Variants in CTTNBP2 observed in about 807,000 individuals in gnomAD.
CTTNBP2 encodes the protein cortactin binding protein 2.
CTTNBP2 carries 108 observed loss-of-function variants against 156.9 expected under a neutral mutation model. That is an observed-to-expected ratio of 0.69 (90% CI 0.59 to 0.81). The LOEUF (loss-of-function observed/expected upper bound fraction) is 0.81. Ranked by LOEUF, CTTNBP2 falls within the 30% of genes least tolerant of loss-of-function variation. CTTNBP2 has a pLI of 0.00. For synonymous variants in CTTNBP2, 767 were observed against 751.8 expected (o/e 1.02, Z -0.33); for missense variants, 1,924 against 2,035.4 (o/e 0.95, Z 1.05).
At chr7:117,761,244 A>T (rs1374681267) in intron 9 of CTTNBP2, among the ~76,000 whole-genome samples, 1 of 152,212 alleles carries the variant, frequency 6.6e-6, no homozygotes, top group Non-Finnish European at 1.5e-5. Context: ...GAGGGAATGT[A>T]TATCGAGTTG....
intron 22 of CTTNBP2, among the ~76,000 whole-genome samples, chr7:117,715,066 A>G (rs560195862): frequency 6.6e-6 from 1 of 152,358 alleles, no homozygotes; most frequent in South Asian, 2.1e-4. Context: ...AATCAGAGCA[A>G]TTCATTCAAT....
At chr7:117,837,113 T>C (rs1802004656) in intron 2 of CTTNBP2, among the ~76,000 whole-genome samples, 1 of 152,190 alleles carries the variant, frequency 6.6e-6, no homozygotes, top group Admixed American at 6.5e-5. Flanking sequence ...GAGTTCTGAT[T>C]GACATCATTT....
intron 2 of CTTNBP2, among the ~76,000 whole-genome samples, chr7:117,814,544 C>T (rs1457147212): frequency 6.6e-6 from 1 of 152,144 alleles, no homozygotes; most frequent in African/African-American, 2.4e-5. Context: ...TCCCACACCT[C>T]AGCTTCCCGA....
At chr7:117,806,752 T>G (rs1480855889) in intron 3 of CTTNBP2, among the ~76,000 whole-genome samples, 1 of 147,206 alleles carries the variant, frequency 6.8e-6, no homozygotes, top group South Asian at 2.2e-4. Flanking sequence ...TCATTTTTTT[T>G]TTTTTTTTTT....
Position 117,767,159 on chromosome 7 carries a change from C to T in CTTNBP2, c.2796G>A (p.Leu932=). Residue 932 remains leucine (L), a synonymous_variant, in exon 9 of 23, where the codon TTG becomes TTA. Coordinates refer to ENST00000160373, the MANE Select transcript of CTTNBP2 (RefSeq NM_033427.3). ...SKGFKNCLEI[L]CRHGGLEPER... is the part of the protein sequence containing the mutation. ...CTGGCTCAAGCCCTCCGTGCCTACA[C>T]AAGATTTCTAGGCAGTTCTATAAAG... 6.2e-7 allele frequency: 1 copy of T among 1,603,358 alleles called. No individual in the cohort carries two copies. Among genetic ancestry groups the T allele is most frequent in the Non-Finnish European group, 8.5e-7 (1 of 1,170,144 alleles).
At chr7:117,846,142 C>T (rs1563063128) in intron 2 of CTTNBP2, among the ~76,000 whole-genome samples, 1 of 152,090 alleles carries the variant, frequency 6.6e-6, no homozygotes, top group Non-Finnish European at 1.5e-5. Flanking sequence ...TGAGCCACCG[C>T]GCCCGGTCCT....
intron 19 of CTTNBP2, 46 bp from the exon 20 acceptor site, chr7:117,721,176 C>T (rs780922109): frequency 1.8e-6 from 2 of 1,090,382 alleles, no homozygotes; most frequent in Admixed American, 3.6e-5. Context: ...ATCCCTGTGC[C>T]TCTTGAATTC....
chr7:117,714,080 A>G (rs1459117030), intron 22 of CTTNBP2: 1 of 152,248 alleles, frequency 6.6e-6, no homozygotes, highest in Non-Finnish European at 1.5e-5. Flanking sequence ...GTGAGGGAAC[A>G]CATCCTAGTC....
At chr7:117,771,112 AAC>A (rs757686734) in intron 8 of CTTNBP2, among the ~76,000 whole-genome samples, 10 of 152,112 alleles carry the variant, frequency 6.6e-5, no homozygotes, top group Admixed American at 1.3e-4. Context: ...GTCCAGCTGA[AAC>A]AGAGGGATCC....
Position 117,734,904 on chromosome 7 carries a change from G to T in CTTNBP2, c.3876+9C>A. On this transcript the variant is annotated intron_variant, in intron 16 of 22. Coordinates refer to ENST00000160373, the MANE Select transcript of CTTNBP2 (RefSeq NM_033427.3). Reference sequence around the variant, plus strand: ...CTCCTGGCAACAGGCTGCACTTGCTGTTTGTTACCTTATTCACAACTTTCC... The same window carrying T: ...CTCCTGGCAACAGGCTGCACTTGCTTTTTGTTACCTTATTCACAACTTTCC... 6.3e-7 allele frequency: 1 copy of T among 1,578,928 alleles called. No individual in the cohort carries two copies. Among genetic ancestry groups the T allele is most frequent in the Admixed American group, 1.8e-5 (1 of 56,456 alleles).
At chr7:117,835,093 C>T (rs1273633033) in intron 2 of CTTNBP2, among the ~76,000 whole-genome samples, 5 of 152,244 alleles carry the variant, frequency 3.3e-5, no homozygotes, top group Admixed American at 2.0e-4. Flanking sequence ...GAATTCTAAA[C>T]CTGAGCAGCT....
intron 2 of CTTNBP2, among the ~76,000 whole-genome samples, chr7:117,823,780 T>C (rs1325238469): frequency 1.3e-5 from 2 of 152,176 alleles, no homozygotes; most frequent in African/African-American, 4.8e-5. Context: ...AGCCTTGACC[T>C]CCTGGGTTCA....
chr7:117,779,530 C>T (rs1230548110), intron 7 of CTTNBP2, among the ~76,000 whole-genome samples: 4 of 150,504 alleles, frequency 2.7e-5, no homozygotes, highest in Admixed American at 6.6e-5. Context: ...CCCTGTGATA[C>T]AAAATTAATT....
rs1241769172 is a variant in CTTNBP2, at chr7:117,741,434, T to TA, written c.3535+4396dup. Among the ~76,000 whole-genome samples the TA allele has an allele frequency of 2.6e-5, 4 of 152,334 alleles. No individual in the cohort carries two copies. The East Asian group carries it at 7.7e-4, about 29-fold the overall frequency. ...ACAAGTTACTAAGCTACATACAGAA[T>TA]AAAAATCCTTCTGTATGAATTTTCT... On this transcript the variant is annotated intron_variant, in intron 14 of 22. Transcript: ENST00000160373.
chr7:117,746,796 A>G (rs992863995), intron 12 of CTTNBP2, among the ~76,000 whole-genome samples: 6 of 152,228 alleles, frequency 3.9e-5, no homozygotes, highest in Admixed American at 6.5e-5. Context: ...AAAGAAATCT[A>G]GGTAGAGATG....
In CTTNBP2 at chr7:117,780,659, A is replaced by T. The variant is rs551300815; in HGVS notation, c.2373-68T>A. The T allele has an allele frequency of 1.5e-5, 14 of 927,334 alleles. No individual in the cohort carries two copies. In the South Asian group the frequency reaches 1.8e-4, roughly 12 times the overall value. 57.4% of individuals were successfully genotyped at this position (927,334 alleles called of 1,614,324 possible). A position where few individuals can be genotyped will look rare whatever the true frequency, so the allele number is the denominator to read the frequency against. Reference sequence around the variant, plus strand: ...ACCTTTGAAGCACCACCTAACCAAGATATTAAATACAGAAAAGAAAGCAAT... The same window carrying T: ...ACCTTTGAAGCACCACCTAACCAAGTTATTAAATACAGAAAAGAAAGCAAT... On this transcript the variant is annotated intron_variant, in intron 6 of 22. Coordinates refer to ENST00000160373, the MANE Select transcript of CTTNBP2 (RefSeq NM_033427.3).
Position 117,831,814 on chromosome 7 carries a change from T to C in CTTNBP2, c.190-20825A>G, listed in dbSNP as rs377757373. Among the ~76,000 whole-genome samples, 9 of 152,236 alleles carry C rather than the reference T, an allele frequency of 5.9e-5. No individual in the cohort carries two copies. In the East Asian group the frequency reaches 7.8e-4, roughly 13 times the overall value. On this transcript the variant is annotated intron_variant, in intron 2 of 22. Coordinates refer to ENST00000160373, the MANE Select transcript of CTTNBP2 (RefSeq NM_033427.3). ...TTCTTCTTCATGCTAGAGATCAGTT[T>C]CTTTTTCAAGTATGTTCAACGTTCT...
Position 117,845,995 on chromosome 7 carries a change from C to T in CTTNBP2, c.189+15214G>A, listed in dbSNP as rs571182871. ...CCTCCCGAGTAGGTGGGACTACAGG[C>T]GCCTGCCACCACGCCCGGCTAATTT... On this transcript the variant is annotated intron_variant, in intron 2 of 22. Transcript: ENST00000160373. 9.6e-4 allele frequency among the ~76,000 whole-genome samples: 146 copies of T among 152,070 alleles called. 1 individual carries two copies. Among genetic ancestry groups the T allele is most frequent in the African/African-American group, 3.2e-3 (133 of 41,510 alleles).
At chr7:117,833,802 T>C (rs35750538) in intron 2 of CTTNBP2, among the ~76,000 whole-genome samples, 1,610 of 152,332 alleles carry the variant, frequency 0.011, 31 homozygotes, top group African/African-American at 0.037. Flanking sequence ...CTCAATGAAT[T>C]CTTCAATTAG....
Sources: allele counts gnomAD v4.1 joint callset (sites outside exome capture counted in the v4.1 genomes callset), GRCh38; gene constraint gnomAD v4.1.1; transcripts MANE v1.5; gene names NCBI Gene and HGNC (gene_info 2026-07-23, HGNC 2026-07-21).